GALNT13: variants seen among roughly 807,000 people sequenced by gnomAD.
GALNT13 encodes the protein polypeptide N-acetylgalactosaminyltransferase 13.
Under a neutral mutation model 64.2 loss-of-function variants are expected in GALNT13, and 28 were observed. That is an observed-to-expected ratio of 0.44 (90% CI 0.32 to 0.60). The LOEUF is 0.60. GALNT13 is among the 20% of genes least tolerant of loss of function. The pLI is 0.05. For synonymous variants in GALNT13, 214 were observed against 224.6 expected, an observed-to-expected ratio of 0.95 and a Z score of 0.42; for missense variants, 577 against 669.8, an observed-to-expected ratio of 0.86 and a Z score of 1.53.
At chr2:153,927,390 A>G (rs982654005) in intron 2 of GALNT13, among the ~76,000 whole-genome samples, 3 of 152,048 alleles carry the variant, frequency 2.0e-5, no homozygotes, top group African/African-American at 7.2e-5. Flanking sequence ...ATGTGCTTGT[A>G]CACATAATGG....
chr2:154,389,783 C>G (rs1698697523), intron 9 of GALNT13, among the ~76,000 whole-genome samples: 1 of 151,948 alleles, frequency 6.6e-6, no homozygotes, highest in African/African-American at 2.4e-5. Context: ...CCTCAATTGA[C>G]TAAAATTAGA....
At chr2:153,699,862 C>CA in the GALNT13 span, among the ~76,000 whole-genome samples, 6 of 151,862 alleles carry the variant, frequency 4.0e-5, no homozygotes, top group Non-Finnish European at 8.8e-5. Flanking sequence ...GCCTACCAAC[C>CA]AAAAAAAGCC....
chr2:154,103,040 A>G (rs999724113), intron 3 of GALNT13, among the ~76,000 whole-genome samples: 5 of 151,962 alleles, frequency 3.3e-5, no homozygotes, highest in Admixed American at 6.6e-5. Flanking sequence ...TTTCTTGTAT[A>G]TGATGTCTAT....
At chr2:153,355,637 A>G in the GALNT13 span, among the ~76,000 whole-genome samples, 457 of 152,296 alleles carry the variant, frequency 3.0e-3, 18 homozygotes, top group East Asian at 0.08. Context: ...GTTACTAAGA[A>G]TTTGGCCTTC....
chr2:153,863,936 T>A, the GALNT13 span, among the ~76,000 whole-genome samples: 2 of 152,124 alleles, frequency 1.3e-5, no homozygotes, highest in Non-Finnish European at 2.9e-5. Flanking sequence ...CACTTAACAT[T>A]TTACTTCATA....
the GALNT13 span, among the ~76,000 whole-genome samples, chr2:153,819,916 G>A: frequency 1.3e-5 from 2 of 152,104 alleles, no homozygotes; most frequent in Admixed American, 1.3e-4. Flanking sequence ...TAATCAAAAT[G>A]GAAACTCAGA....
At chr2:153,579,683 G>T in the GALNT13 span, among the ~76,000 whole-genome samples, 1 of 152,128 alleles carries the variant, frequency 6.6e-6, no homozygotes, top group African/African-American at 2.4e-5. Flanking sequence ...TAGGAACTGG[G>T]TTGCATAGCA....
the GALNT13 span, among the ~76,000 whole-genome samples, chr2:153,391,061 T>A: frequency 6.6e-6 from 1 of 152,058 alleles, no homozygotes; most frequent in South Asian, 2.1e-4. Context: ...AATTTGCCAT[T>A]CTTTTATTGG....
the GALNT13 span, among the ~76,000 whole-genome samples, chr2:153,564,420 A>G: frequency 6.6e-6 from 1 of 152,130 alleles, no homozygotes; most frequent in Non-Finnish European, 1.5e-5. Context: ...AAAGAAAACA[A>G]AATTTTCATT....
chr2:153,107,526 T>A, the GALNT13 span, among the ~76,000 whole-genome samples: 4 of 152,212 alleles, frequency 2.6e-5, no homozygotes, highest in East Asian at 7.7e-4. Context: ...GAGTGCATAT[T>A]TCAAGCAGCA....
chr2:154,311,877 T>A (rs1005872119), intron 9 of GALNT13, among the ~76,000 whole-genome samples: 4 of 152,188 alleles, frequency 2.6e-5, no homozygotes, highest in Non-Finnish European at 4.4e-5. Context: ...AGAAGAGAAA[T>A]ATGGCTCTGT....
At chr2:153,948,556 A>G (rs1244505626) in intron 3 of GALNT13, among the ~76,000 whole-genome samples, 1 of 152,136 alleles carries the variant, frequency 6.6e-6, no homozygotes, top group East Asian at 1.9e-4. Context: ...ACATCCATGC[A>G]TATGTTCATT....
chr2:154,302,797 A>C (rs1229771482), intron 9 of GALNT13, among the ~76,000 whole-genome samples: 2 of 152,140 alleles, frequency 1.3e-5, no homozygotes. Context: ...TGTGGAAACC[A>C]AGGTTCTTAT....
intron 3 of GALNT13, among the ~76,000 whole-genome samples, chr2:154,017,268 T>C (rs1401604988): frequency 2.0e-5 from 3 of 152,176 alleles, no homozygotes; most frequent in African/African-American, 7.2e-5. Context: ...TAATAATAGA[T>C]AATACTGGCA....
chr2:154,118,318 ATT>A lies in GALNT13; in HGVS notation c.143-22010_143-22009del, dbSNP rs34962261. On this transcript the variant is annotated intron_variant, in intron 3 of 12. Transcript: ENST00000392825. ...TTTTACAATTTTTTACTTAAAGTCT[ATT>A]TTTTTTTTAAGTATAACTATGCTGT... Among the ~76,000 whole-genome samples, 857 of 134,060 alleles carry A rather than the reference ATT, an allele frequency of 6.4e-3. 10 individuals are homozygous for A. Among genetic ancestry groups the A allele is most frequent in the African/African-American group, 0.021 (792 of 37,340 alleles). 87.9% of individuals were successfully genotyped at this position (134,060 alleles called of 152,430 possible).
At chr2:154,337,522 T>C (rs561679472) in intron 9 of GALNT13, among the ~76,000 whole-genome samples, 47 of 152,152 alleles carry the variant, frequency 3.1e-4, no homozygotes, top group African/African-American at 1.1e-3. Flanking sequence ...TAAAATAAAA[T>C]ATTTTAAAAC....
rs755778700 is a variant in GALNT13, at chr2:154,406,718, A to G, written c.1297-2266A>G. On this transcript the variant is annotated intron_variant, in intron 10 of 12. Transcript: ENST00000392825. ...CTTCACAGGACTTCTTGATTTTCTG[A>G]CATATTACAAATCTATTTATTTGTT... 2.6e-5 allele frequency among the ~76,000 whole-genome samples: 4 copies of G among 152,084 alleles called. No individual in the cohort carries two copies. The East Asian group carries it at 7.7e-4, about 29-fold the overall frequency.
intron 4 of GALNT13, among the ~76,000 whole-genome samples, chr2:154,146,088 T>C (rs550150419): frequency 6.6e-6 from 1 of 151,736 alleles, no homozygotes; most frequent in Non-Finnish European, 1.5e-5. Context: ...AAAAGTGGTA[T>C]GTTAGAATGC....
chr2:154,454,724 A>T (rs574815829), downstream of GALNT13: 1 of 152,282 alleles, frequency 6.6e-6, no homozygotes, highest in Non-Finnish European at 1.5e-5. Flanking sequence ...AAATAAAATT[A>T]GTTCTTTAAA....
Sources: gnomAD v4.1 joint callset for allele counts (sites outside exome capture counted in the v4.1 genomes callset) on GRCh38, gnomAD v4.1.1 for gene constraint, MANE v1.5 for transcripts, NCBI Gene and HGNC (gene_info 2026-07-23, HGNC 2026-07-21) for gene names.